BICD1: variants seen among roughly 807,000 people sequenced by gnomAD.
BICD1 encodes protein bicaudal D homolog 1.
A neutral mutation model predicts 92.5 loss-of-function variants in BICD1; 35 were observed. The ratio of observed to expected loss-of-function variants is 0.38; its 90% confidence interval spans 0.29 to 0.50. The LOEUF is 0.50. BICD1 is among the 20% of genes least tolerant of loss of function. The pLI, the probability that BICD1 is intolerant of heterozygous loss-of-function variation, is 0.93. For synonymous variants in BICD1, 429 were observed against 465.1 expected, an observed-to-expected ratio of 0.92 and a Z score of 1.00; for missense variants, 950 against 1,189.8, an observed-to-expected ratio of 0.80 and a Z score of 2.97.
At chr12:32,124,068 C>T (rs781354431) in intron 1 of BICD1, among the ~76,000 whole-genome samples, 5 of 152,134 alleles carry the variant, frequency 3.3e-5, no homozygotes, top group East Asian at 3.8e-4. Context: ...CTCCATAATG[C>T]GAGCTATCCA....
chr12:32,134,125 G>A (rs1942648894), intron 1 of BICD1, among the ~76,000 whole-genome samples: 1 of 152,110 alleles, frequency 6.6e-6, no homozygotes, highest in South Asian at 2.1e-4. Flanking sequence ...ATTATTTATA[G>A]GAAGCAGTTG....
chr12:32,119,169 G>A (rs1942053872), intron 1 of BICD1, among the ~76,000 whole-genome samples: 1 of 152,188 alleles, frequency 6.6e-6, no homozygotes, highest in Non-Finnish European at 1.5e-5. Flanking sequence ...GTAGTTGTTA[G>A]GGGAAGGGAT....
chr12:32,184,154 C>G (rs1014592482), intron 1 of BICD1, among the ~76,000 whole-genome samples: 1 of 152,142 alleles, frequency 6.6e-6, no homozygotes, highest in African/African-American at 2.4e-5. Flanking sequence ...AATCATTTAT[C>G]AAGGTATCAA....
intron 2 of BICD1, among the ~76,000 whole-genome samples, chr12:32,262,371 G>A (rs1946881992): frequency 1.3e-5 from 2 of 151,986 alleles, no homozygotes; most frequent in South Asian, 4.2e-4. Flanking sequence ...CCCATCCCTG[G>A]TACTAGCAAG....
chr12:32,150,823 T>C (rs1943266663), intron 1 of BICD1, among the ~76,000 whole-genome samples: 2 of 152,126 alleles, frequency 1.3e-5, no homozygotes, highest in South Asian at 4.1e-4. Flanking sequence ...TGTTCAAAGA[T>C]ATTGCAGAGA....
intron 2 of BICD1, among the ~76,000 whole-genome samples, chr12:32,249,596 T>C (rs1180992011): frequency 6.6e-6 from 1 of 152,020 alleles, no homozygotes; most frequent in Non-Finnish European, 1.5e-5. Context: ...ACATGGAGCC[T>C]AAGTTAAAAT....
chr12:32,182,134 T>C (rs1186420927), intron 1 of BICD1, among the ~76,000 whole-genome samples: 1 of 151,924 alleles, frequency 6.6e-6, no homozygotes, highest in Non-Finnish European at 1.5e-5. Flanking sequence ...AAACTTCTCA[T>C]TGTAAACCAA....
intron 1 of BICD1, among the ~76,000 whole-genome samples, chr12:32,131,371 G>T (rs1379444940): frequency 6.6e-6 from 1 of 152,086 alleles, no homozygotes; most frequent in African/African-American, 2.4e-5. Context: ...TTCTATTTCG[G>T]TGGCTCCAGT....
rs1210714600 is a variant in BICD1 at position 32,327,519 on chromosome 12, A to G, written c.1064A>G (p.Glu355Gly). The G allele has an allele frequency of 6.2e-7, 1 of 1,613,952 alleles. No homozygotes were observed. The highest frequency in any genetic ancestry group is 1.3e-5 in the African/African-American group (1 of 74,924). ...ANLQESQTQL[E>G]HTKGALTEQH... ...CTACAGGAGTCACAGACACAGCTGG[A>G]ACACACCAAGGGGGCACTGACGGAG... Residue 355 changes from glutamate to glycine, a missense_variant, in exon 5 of 10, where the codon GAA becomes GGA. Around this residue, in one of 5 missense-constraint regions of BICD1, gnomAD observed 246 missense variants for 258.4 expected, o/e 0.95. Transcript: ENST00000652176.
chr12:32,189,384 T>G lies in BICD1; in HGVS notation c.214-26863T>G, dbSNP rs561092686. On this transcript the variant is annotated intron_variant, in intron 1 of 9. Transcript: ENST00000652176. ...AGCCTATGGTAATGTCTTTCTCTTT[T>G]TCTCCTCCTCTTCCTCCTACTCCCT... Among the ~76,000 whole-genome samples, 19 of 152,328 alleles carry G rather than the reference T, an allele frequency of 1.2e-4. No individual in the cohort carries two copies. The East Asian group carries it at 3.5e-3, about 28-fold the overall frequency.
intron 1 of BICD1, among the ~76,000 whole-genome samples, chr12:32,124,289 TTTG>T (rs1942253654): frequency 6.6e-6 from 1 of 152,230 alleles, no homozygotes; most frequent in South Asian, 2.1e-4. Flanking sequence ...AAGTTACTTA[TTTG>T]TTGTTGGAGG....
At chr12:32,235,637 A>G (rs1946043881) in intron 2 of BICD1, among the ~76,000 whole-genome samples, 1 of 150,920 alleles carries the variant, frequency 6.6e-6, no homozygotes, top group African/African-American at 2.4e-5. Flanking sequence ...TTTCAACAGC[A>G]TATGCTCCTT....
At chr12:32,230,399 CAAAT>C (rs535189097) in intron 2 of BICD1, among the ~76,000 whole-genome samples, 20,508 of 132,946 alleles carry the variant, frequency 0.15, 1,514 homozygotes, top group Middle Eastern at 0.22. Flanking sequence ...GACCCTGTCT[CAAAT>C]AAATAAATAA....
intron 2 of BICD1, among the ~76,000 whole-genome samples, chr12:32,279,653 T>C (rs1947364884): frequency 6.6e-6 from 1 of 152,248 alleles, no homozygotes; most frequent in Admixed American, 6.5e-5. Flanking sequence ...TTATGATAAA[T>C]GTTTGAAGTG....
intron 2 of BICD1, among the ~76,000 whole-genome samples, chr12:32,223,364 A>G (rs556235468): frequency 6.6e-6 from 1 of 152,258 alleles, no homozygotes; most frequent in East Asian, 1.9e-4. Flanking sequence ...CTAAAAATAC[A>G]AAAATTAGCT....
chr12:32,196,694 A>C (rs1396439313), intron 1 of BICD1, among the ~76,000 whole-genome samples: 1 of 152,192 alleles, frequency 6.6e-6, no homozygotes, highest in African/African-American at 2.4e-5. Flanking sequence ...AGTTCAGTGG[A>C]TCTAATGTTC....
intron 1 of BICD1, among the ~76,000 whole-genome samples, chr12:32,155,026 A>C (rs576481286): frequency 0.025 from 766 of 31,038 alleles, 4 homozygotes; most frequent in South Asian, 0.034. Context: ...TTTTACTCTG[A>C]AGTGCTGCTT....
At chr12:32,161,076 C>T (rs1042863555) in intron 1 of BICD1, among the ~76,000 whole-genome samples, 3 of 152,078 alleles carry the variant, frequency 2.0e-5, no homozygotes, top group Admixed American at 6.5e-5. Flanking sequence ...TCTTCAGATC[C>T]GGAAAGAAAA....
chr12:32,211,704 G>GA (rs11326117), intron 1 of BICD1, among the ~76,000 whole-genome samples: 162 of 139,570 alleles, frequency 1.2e-3, no homozygotes, highest in East Asian at 2.4e-3. Context: ...AAACAGTTGT[G>GA]AAAAAAAAAA....
Sources: gnomAD v4.1 joint callset for allele counts (sites outside exome capture counted in the v4.1 genomes callset) on GRCh38, gnomAD v4.1.1 for gene constraint, gnomAD v4.1.1 regional missense constraint, MANE v1.5 for transcripts, NCBI Gene and HGNC (gene_info 2026-07-23, HGNC 2026-07-21) for gene names.